Variants in ADGRB3 observed in about 807,000 individuals in gnomAD.
ADGRB3 encodes the protein adhesion G protein-coupled receptor B3.
A neutral mutation model predicts 193.4 loss-of-function variants in ADGRB3; 37 were observed. That is an observed-to-expected ratio of 0.19 (90% CI 0.15 to 0.25). The LOEUF is 0.25. ADGRB3 is among the 10% of genes least tolerant of loss of function. The pLI is 1.00. For synonymous variants in ADGRB3, 690 were observed against 644.2 expected (o/e 1.07, Z -1.08); for missense variants, 1,637 against 1,852.9 (o/e 0.88, Z 2.14).
At chr6:69,164,640 C>G (rs1180034017) in intron 17 of ADGRB3, among the ~76,000 whole-genome samples, 1 of 152,050 alleles carries the variant, frequency 6.6e-6, no homozygotes. Flanking sequence ...GATAAGCACT[C>G]ATAAGAGGCC....
At chr6:69,181,315 T>A (rs1189522860) in intron 17 of ADGRB3, among the ~76,000 whole-genome samples, 3 of 152,216 alleles carry the variant, frequency 2.0e-5, no homozygotes, top group Non-Finnish European at 4.4e-5. Context: ...AATGTTTTAA[T>A]CATGATCTAT....
intron 3 of ADGRB3, among the ~76,000 whole-genome samples, chr6:68,728,950 T>C (rs968643896): frequency 2.6e-5 from 4 of 151,684 alleles, no homozygotes; most frequent in Non-Finnish European, 5.9e-5. Context: ...ATGTGATTTT[T>C]TTTTTATTTA....
intron 6 of ADGRB3, among the ~76,000 whole-genome samples, chr6:68,952,353 ATG>A (rs967026527): frequency 4.5e-4 from 69 of 152,212 alleles, no homozygotes; most frequent in African/African-American, 1.2e-3. Context: ...GTATATATGT[ATG>A]TGTGTGTATA....
intron 31 of ADGRB3, among the ~76,000 whole-genome samples, chr6:69,385,279 G>A (rs1388844957): frequency 6.6e-6 from 1 of 151,786 alleles, no homozygotes; most frequent in Non-Finnish European, 1.5e-5. Flanking sequence ...AATATTGGTA[G>A]GTTGAAAGAA....
At chr6:69,371,802 G>T in intron 29 of ADGRB3, among the ~76,000 whole-genome samples, 3 of 152,108 alleles carry the variant, frequency 2.0e-5, no homozygotes, top group Admixed American at 2.0e-4. Context: ...ACTGGGGTGC[G>T]GAATAGTTTG....
chr6:69,136,032 G>A (rs1332423448), intron 17 of ADGRB3, among the ~76,000 whole-genome samples: 1 of 151,950 alleles, frequency 6.6e-6, no homozygotes, highest in Non-Finnish European at 1.5e-5. Context: ...TCTTTCCTAG[G>A]ACACTCTTTA....
intron 26 of ADGRB3, among the ~76,000 whole-genome samples, chr6:69,351,727 C>T (rs576643705): frequency 1.7e-3 from 257 of 152,254 alleles, no homozygotes; most frequent in African/African-American, 5.9e-3. Context: ...TCTGAAAAGA[C>T]GTGGATTTCT....
chr6:69,059,523 A>T (rs1771656921), intron 15 of ADGRB3, among the ~76,000 whole-genome samples: 1 of 152,176 alleles, frequency 6.6e-6, no homozygotes, highest in African/African-American at 2.4e-5. Context: ...AATGTTTTAT[A>T]TATCAACGAG....
intron 20 of ADGRB3, among the ~76,000 whole-genome samples, chr6:69,259,831 T>C (rs1236082879): frequency 6.6e-6 from 1 of 152,094 alleles, no homozygotes; most frequent in Admixed American, 6.5e-5. Context: ...ATAAAGACAT[T>C]GGATATATCA....
chr6:69,143,281 A>G (rs1036887922), intron 17 of ADGRB3, among the ~76,000 whole-genome samples: 3 of 151,720 alleles, frequency 2.0e-5, no homozygotes, highest in African/African-American at 7.3e-5. Context: ...TATTCTGGTT[A>G]TTGATCTCTT....
intron 3 of ADGRB3, among the ~76,000 whole-genome samples, chr6:68,726,831 G>A (rs537789943): frequency 1.7e-4 from 26 of 151,586 alleles, no homozygotes; most frequent in African/African-American, 5.8e-4. Flanking sequence ...AAAGCAGACA[G>A]GGCACTGGAA....
At chr6:69,321,505 G>A (rs1768456057) in intron 20 of ADGRB3, among the ~76,000 whole-genome samples, 1 of 151,760 alleles carries the variant, frequency 6.6e-6, no homozygotes, top group Non-Finnish European at 1.5e-5. Flanking sequence ...TGAGTCCAGT[G>A]ATAGTGATAA....
intron 29 of ADGRB3, among the ~76,000 whole-genome samples, chr6:69,362,711 G>A (rs1270499569): frequency 6.6e-6 from 1 of 151,926 alleles, no homozygotes; most frequent in Admixed American, 6.6e-5. Flanking sequence ...TTCATTAGAA[G>A]CCAAGTTCAA....
chr6:69,045,766 C>T (rs969983766), intron 13 of ADGRB3, among the ~76,000 whole-genome samples: 1 of 152,000 alleles, frequency 6.6e-6, no homozygotes, highest in Non-Finnish European at 1.5e-5. Flanking sequence ...TAGTAAAAAC[C>T]TCCATTACAT....
At chr6:68,765,893 G>A (rs903766153) in intron 3 of ADGRB3, among the ~76,000 whole-genome samples, 4 of 151,728 alleles carry the variant, frequency 2.6e-5, no homozygotes, top group African/African-American at 9.7e-5. Context: ...ATTTTGGTAA[G>A]TTATGTATTT....
chr6:69,191,627 A>G (rs1298136914), intron 17 of ADGRB3, among the ~76,000 whole-genome samples: 1 of 152,150 alleles, frequency 6.6e-6, no homozygotes, highest in Non-Finnish European at 1.5e-5. Flanking sequence ...TGGGGATTAC[A>G]AAGTTCAGAA....
intron 20 of ADGRB3, among the ~76,000 whole-genome samples, chr6:69,297,400 CTCTCTCTCTCTA>C (rs1767851535): frequency 6.9e-6 from 1 of 144,030 alleles, no homozygotes; most frequent in Non-Finnish European, 1.5e-5. Context: ...CTATCTCTCT[CTCTCTCTCTCTA>C]TATATATATA....
chr6:69,121,609 C>A (rs1486679680), intron 17 of ADGRB3, among the ~76,000 whole-genome samples: 2 of 152,072 alleles, frequency 1.3e-5, no homozygotes, highest in African/African-American at 4.8e-5. Context: ...CAGAGGCGCT[C>A]CTCACTTCCC....
chr6:68,831,730 G>T (rs1329522752), intron 3 of ADGRB3, among the ~76,000 whole-genome samples: 1 of 149,566 alleles, frequency 6.7e-6, no homozygotes, highest in East Asian at 1.9e-4. Flanking sequence ...ATAGTCAAAA[G>T]GATTAGATTC....
Sources: gnomAD v4.1 joint callset for allele counts (sites outside exome capture counted in the v4.1 genomes callset) on GRCh38, gnomAD v4.1.1 for gene constraint, MANE v1.5 for transcripts, NCBI Gene and HGNC (gene_info 2026-07-23, HGNC 2026-07-21) for gene names.